The following CD46 variants were observed in gnomAD, a reference collection of about 807,000 sequenced individuals.
CD46 encodes membrane cofactor protein.
CD46 carries 30 observed loss-of-function variants against 53.3 expected under a neutral mutation model. That is an observed-to-expected ratio of 0.56 (90% CI 0.42 to 0.76). The LOEUF (loss-of-function observed/expected upper bound fraction) is 0.76, where lower values mean the gene tolerates loss of function less well. Ranked by LOEUF, CD46 falls within the 30% of genes least tolerant of loss-of-function variation. CD46 has a pLI of 0.00. For missense variants in CD46, 409 were observed against 463.0 expected (o/e 0.88, Z 1.07); for synonymous variants, 142 against 152.0 (o/e 0.93, Z 0.48).
Position 207,757,105 on chromosome 1 carries a change from G to T in CD46, c.189G>T (p.Lys63Asn). Reference sequence around the variant, plus strand: ...AGATTGGTGAACGAGTAGATTATAAGTGTAAAAAAGGATACTTCTATATAC... The same window carrying T: ...AGATTGGTGAACGAGTAGATTATAATTGTAAAAAAGGATACTTCTATATAC... ...YYEIGERVDY[K>N]CKKGYFYIPP... The change falls in exon 2 of 13, where the codon AAG becomes AAT. Residue 63 changes from lysine (K) to asparagine (N), a missense_variant. Coordinates refer to ENST00000367042, the MANE Select transcript of CD46 (RefSeq NM_172351.3). The T allele has an allele frequency of 6.2e-7, 1 of 1,613,904 alleles. No individual in the cohort carries two copies. The highest frequency in any genetic ancestry group is 2.2e-5 in the East Asian group (1 of 44,870).
rs1464556172 is a variant in CD46 at position 207,793,892 on chromosome 1, T to C, written c.*415T>C. On this transcript the variant is annotated 3_prime_UTR_variant, in exon 13 of 13. Transcript: ENST00000367042. ...TATAAAATTGGCAAAATTAGAGAAA[T>C]ATAGTTCACAATGAAATTATATTTT... is the stretch of plus-strand genomic sequence containing the variant. 6 of 326,676 alleles carry C rather than the reference T, an allele frequency of 1.8e-5. No individual in the cohort carries two copies. Among genetic ancestry groups the C allele is most frequent in the Non-Finnish European group, 2.9e-5 (5 of 175,328 alleles). 20.2% of individuals were successfully genotyped at this position (326,676 alleles called of 1,614,324 possible).
At chr1:207,777,725 T>C (rs904576891) in intron 8 of CD46, among the ~76,000 whole-genome samples, 8 of 152,218 alleles carry the variant, frequency 5.3e-5, no homozygotes, top group African/African-American at 1.7e-4. Context: ...TCTTTGCTAT[T>C]GTGAGCAGTG....
At chr1:207,793,230 T>A (rs999165837) in intron 12 of CD46, among the ~76,000 whole-genome samples, 2 of 152,238 alleles carry the variant, frequency 1.3e-5, no homozygotes, top group African/African-American at 4.8e-5. Flanking sequence ...GTCTTTCCCA[T>A]TGGCCCTACA....
intron 8 of CD46, among the ~76,000 whole-genome samples, chr1:207,772,829 G>A (rs997244987): frequency 2.0e-5 from 3 of 152,116 alleles, no homozygotes; most frequent in Admixed American, 6.5e-5. Flanking sequence ...TTTTTGCATC[G>A]ATGTTCATCA....
intron 6 of CD46, 113 bp downstream of exon 6, chr1:207,767,308 A>G: frequency 2.1e-6 from 2 of 933,918 alleles, no homozygotes; most frequent in South Asian, 1.4e-5. Context: ...AAAAGAAACA[A>G]TTTTAGTATT....
At chr1:207,779,575 G>T (rs910109357) in intron 8 of CD46, among the ~76,000 whole-genome samples, 19 of 151,932 alleles carry the variant, frequency 1.3e-4, no homozygotes, top group Non-Finnish European at 1.9e-4. Flanking sequence ...TTCCCTAATG[G>T]CTATGACTTT....
intron 5 of CD46, chr1:207,762,636 C>T (rs1350896043): frequency 1.3e-5 from 2 of 152,270 alleles, no homozygotes; most frequent in East Asian, 1.9e-4. Context: ...GGCAGTCACT[C>T]CCGGACTTGT....
rs116800126 is a variant in CD46, at chr1:207,757,546, C to T, written c.293C>T (p.Thr98Ile). The T allele has an allele frequency of 7.2e-5, 115 of 1,594,674 alleles. 1 individual carries two copies. In the East Asian group the frequency reaches 2.5e-3, roughly 35 times the overall value. Residue 98 changes from threonine to isoleucine, a missense_variant, in exon 3 of 13, where the codon ACA becomes ATA. By Grantham distance (89) the Thr-to-Ile change is moderately conservative. Coordinates refer to ENST00000367042, the MANE Select transcript of CD46 (RefSeq NM_172351.3). ...CAAAATTATTTTCTTTCAGGAGAAA[C>T]ATGTCCATATATACGGGATCCTTTA... ...PVSDDACYRETCPYIRDPLNG... is the reference protein window; with the variant it reads ...PVSDDACYREICPYIRDPLNG...
chr1:207,752,319 C>G lies in CD46; in HGVS notation c.97+10C>G. ...CTGTACTCCTTCTCCGGTAGGACCC[C>G]GGGGCGGGTTCGCGCGTCCGCGGCG... On this transcript the variant is annotated intron_variant, in intron 1 of 12. Coordinates refer to ENST00000367042, the MANE Select transcript of CD46 (RefSeq NM_172351.3). The surrounding 1 kb of genome is among the most constrained non-coding windows in gnomAD (Gnocchi z 4.1). The G allele has an allele frequency of 6.2e-7, 1 of 1,612,934 alleles. No individual in the cohort carries two copies. The highest frequency in any genetic ancestry group is 8.5e-7 in the Non-Finnish European group (1 of 1,179,058).
At chr1:207,773,227 G>T (rs1657711674) in intron 8 of CD46, among the ~76,000 whole-genome samples, 1 of 152,168 alleles carries the variant, frequency 6.6e-6, no homozygotes, top group Non-Finnish European at 1.5e-5. Flanking sequence ...TTGTATTTCT[G>T]TGGGGTCAGT....
chr1:207,770,104 A>G lies in CD46; in HGVS notation c.902-217A>G, dbSNP rs558000298. On this transcript the variant is annotated intron_variant, in intron 7 of 12. Transcript: ENST00000367042. ...ATGATGGTTATCTTCTAAGATTTCCATTATAAAATACAGAGTGTGGTGAGC... is the reference window on the plus strand; with the variant it reads ...ATGATGGTTATCTTCTAAGATTTCCGTTATAAAATACAGAGTGTGGTGAGC... 1.2e-4 allele frequency: 64 copies of G among 534,294 alleles called. No homozygotes were observed. The South Asian group carries it at 1.4e-3, about 12-fold the overall frequency. The allele number at this position is 534,294 out of a possible 1,614,324, so 33.1% of individuals were successfully genotyped here. A position where few individuals can be genotyped will look rare whatever the true frequency, so the allele number is the denominator to read the frequency against.
At position 207,752,427 on chromosome 1, in the gene CD46, G is replaced by T; in HGVS notation, c.97+118G>T. 3 of 941,482 alleles carry T rather than the reference G, an allele frequency of 3.2e-6. No individual in the cohort carries two copies. Among genetic ancestry groups the T allele is most frequent in the Non-Finnish European group, 5.2e-6 (3 of 577,844 alleles). 58.3% of individuals were successfully genotyped at this position (941,482 alleles called of 1,614,324 possible). On this transcript the variant is annotated intron_variant, in intron 1 of 12. Transcript: ENST00000367042. The surrounding 1 kb of genome is among the most constrained non-coding windows in gnomAD (Gnocchi z 4.1). ...TGCCTGTTTGGGGACAGGGTTCTCT[G>T]AGGGGTGCAGTGCTCAGATCCCGGG... is the stretch of plus-strand genomic sequence containing the variant.
At chr1:207,788,407 A>G (rs1345071616) in intron 11 of CD46, among the ~76,000 whole-genome samples, 1 of 150,310 alleles carries the variant, frequency 6.7e-6, no homozygotes, top group African/African-American at 2.4e-5. Flanking sequence ...AGTCCCAGCT[A>G]CTCTGGGAGG....
At position 207,793,657 on chromosome 1, in the gene CD46, T is replaced by C. The variant is rs886045840; in HGVS notation, c.*180T>C. 70 of 1,319,906 alleles carry C rather than the reference T, an allele frequency of 5.3e-5. No individual in the cohort carries two copies. Among genetic ancestry groups the C allele is most frequent in the Admixed American group, 1.4e-4 (8 of 58,080 alleles). The allele number at this position is 1,319,906 out of a possible 1,614,324, so 81.8% of individuals were successfully genotyped here. ...CTATTAAAATCTTCAATAGTTGTTA[T>C]TCTGTAGTTTCACTCTCATGAGTGC... On this transcript the variant is annotated 3_prime_UTR_variant, in exon 13 of 13. Coordinates refer to ENST00000367042, the MANE Select transcript of CD46 (RefSeq NM_172351.3).
At chr1:207,759,745 T>C (rs556687742) in intron 4 of CD46, 21 bp downstream of exon 4, 2 of 1,448,296 alleles carry the variant, frequency 1.4e-6, no homozygotes, top group Non-Finnish European at 1.9e-6. Context: ...TCTTTTTTTT[T>C]AAATTTAGAC....
chr1:207,785,674 G>T lies in CD46; in HGVS notation c.1074G>T (p.Lys358Asn). 1 of 1,603,140 alleles carries T rather than the reference G, an allele frequency of 6.2e-7. No individual in the cohort carries two copies. The highest frequency in any genetic ancestry group is 1.1e-5 in the South Asian group (1 of 90,846). ...CGTACAGATATCTTCAAAGGAGGAA[G>T]AAGAAAGGGTAAATTAAAGCATGTT... is the stretch of plus-strand genomic sequence containing the variant. ...VVPYRYLQRRKKKGTYLTDET... is the reference protein window; with the variant it reads ...VVPYRYLQRRNKKGTYLTDET... Residue 358 changes from lysine to asparagine, a missense_variant, in exon 11 of 13, where the codon AAG becomes AAT. By Grantham distance (94) the Lys-to-Asn change is moderately conservative. Coordinates refer to ENST00000367042, the MANE Select transcript of CD46 (RefSeq NM_172351.3).
At chr1:207,758,878 T>C (rs1655866464) in intron 3 of CD46, among the ~76,000 whole-genome samples, 1 of 152,150 alleles carries the variant, frequency 6.6e-6, no homozygotes, top group African/African-American at 2.4e-5. Flanking sequence ...TGAGAAATAA[T>C]ATATACTGAG....
chr1:207,760,233 A>G (rs547979198), intron 4 of CD46: 7 of 152,930 alleles, frequency 4.6e-5, no homozygotes, highest in African/African-American at 1.7e-4. Context: ...CATAATTTTT[A>G]TGAAAAATAA....
At chr1:207,792,549 G>A (rs560356806) in intron 12 of CD46, among the ~76,000 whole-genome samples, 48 of 152,256 alleles carry the variant, frequency 3.2e-4, no homozygotes, top group East Asian at 1.9e-3. Context: ...CATGCTTAGC[G>A]TTCCAGTAAT....
Sources: gnomAD v4.1 joint callset for allele counts (sites outside exome capture counted in the v4.1 genomes callset) on GRCh38, gnomAD v4.1.1 for gene constraint, Gnocchi (gnomAD v3.1) non-coding constraint, MANE v1.5 for transcripts, NCBI Gene and HGNC (gene_info 2026-07-23, HGNC 2026-07-21) for gene names.